Variants in TMEM114 observed in about 807,000 individuals in gnomAD.
The protein encoded by TMEM114 is claudin-26.
TMEM114 carries 6 observed loss-of-function variants against 6.2 expected under a neutral mutation model. That is an observed-to-expected ratio of 0.97 (90% CI 0.53 to 1.91). TMEM114 has a LOEUF of 1.91. Ranked by LOEUF, TMEM114 falls within the 40% of genes most tolerant of loss-of-function variation. The pLI, the probability that TMEM114 is intolerant of heterozygous loss-of-function variation, is 0.01. For synonymous variants in TMEM114, 104 were observed against 73.0 expected, an observed-to-expected ratio of 1.42 and a Z score of -2.16; for missense variants, 218 against 158.3, an observed-to-expected ratio of 1.38 and a Z score of -2.02.
At chr16:8,581,111 A>C (rs1902133976) in intron 2 of TMEM114, among the ~76,000 whole-genome samples, 1 of 152,148 alleles carries the variant, frequency 6.6e-6, no homozygotes, top group African/African-American at 2.4e-5. Flanking sequence ...GTGCATCTTA[A>C]AATTTTGTTA....
chr16:8,575,227 A>T (rs72780549), intron 2 of TMEM114, among the ~76,000 whole-genome samples: 14,043 of 152,244 alleles, frequency 0.092, 843 homozygotes, highest in South Asian at 0.14. Flanking sequence ...TCTGAGCCTC[A>T]TTGGCAAAAT....
intron 2 of TMEM114, among the ~76,000 whole-genome samples, chr16:8,559,596 A>G (rs374908621): frequency 7.9e-5 from 12 of 152,208 alleles, no homozygotes; most frequent in East Asian, 3.9e-4. Flanking sequence ...ATATTTTATC[A>G]GTCATCAAAG....
downstream of TMEM114, among the ~76,000 whole-genome samples, chr16:8,534,792 T>C (rs995986215): frequency 2.0e-5 from 3 of 152,224 alleles, no homozygotes; most frequent in African/African-American, 4.8e-5. Flanking sequence ...ATCATCGCTA[T>C]GGTTGTACTC....
chr16:8,532,831 G>A (rs1469646878), downstream of TMEM114, among the ~76,000 whole-genome samples: 1 of 152,134 alleles, frequency 6.6e-6, no homozygotes, highest in Non-Finnish European at 1.5e-5. Context: ...GGCTGAGGCA[G>A]GAGAATGGCA....
At chr16:8,529,278 A>T in the TMEM114 span, among the ~76,000 whole-genome samples, 1 of 152,178 alleles carries the variant, frequency 6.6e-6, no homozygotes, top group Non-Finnish European at 1.5e-5. Context: ...CTAAAAGTTG[A>T]GTGCAGCTAT....
chr16:8,576,419 C>G (rs140890864), intron 2 of TMEM114, among the ~76,000 whole-genome samples: 19 of 152,300 alleles, frequency 1.2e-4, no homozygotes, highest in Admixed American at 2.0e-4. Context: ...TCCTTTGCTG[C>G]ACTGAGTAAT....
At chr16:8,555,911 TA>T (rs760020797) in intron 2 of TMEM114, among the ~76,000 whole-genome samples, 4 of 152,182 alleles carry the variant, frequency 2.6e-5, no homozygotes, top group Admixed American at 6.5e-5. Context: ...GGCCTCACCC[TA>T]AGAAGTATCT....
the TMEM114 span, among the ~76,000 whole-genome samples, chr16:8,526,908 A>G: frequency 8.4e-3 from 1,283 of 152,292 alleles, 18 homozygotes; most frequent in African/African-American, 0.028. Flanking sequence ...AACTTTGAAC[A>G]TGAAAACATG....
At chr16:8,570,532 A>G (rs886221488) in intron 3 of TMEM114, among the ~76,000 whole-genome samples, 1 of 152,118 alleles carries the variant, frequency 6.6e-6, no homozygotes, top group African/African-American at 2.4e-5. Context: ...GGGTTTCACC[A>G]TATTGGCCAG....
chr16:8,565,567 C>G (rs1280976247), downstream of TMEM114, among the ~76,000 whole-genome samples: 1 of 152,126 alleles, frequency 6.6e-6, no homozygotes, highest in Admixed American at 6.5e-5. Flanking sequence ...ATCCCCTCCT[C>G]TAACCCCCGG....
downstream of TMEM114, among the ~76,000 whole-genome samples, chr16:8,566,196 G>T (rs1045597130): frequency 3.9e-5 from 6 of 151,990 alleles, no homozygotes; most frequent in East Asian, 1.9e-4. Flanking sequence ...CTGTAAAACC[G>T]CATTTCTACT....
downstream of TMEM114, among the ~76,000 whole-genome samples, chr16:8,533,877 A>G (rs557243193): frequency 1.2e-4 from 18 of 152,190 alleles, no homozygotes; most frequent in Non-Finnish European, 2.5e-4. Flanking sequence ...ATCCCGGGAA[A>G]GTGATACCTG....
At chr16:8,552,182 C>T (rs990880196) in intron 2 of TMEM114, among the ~76,000 whole-genome samples, 1 of 150,928 alleles carries the variant, frequency 6.6e-6, no homozygotes. Context: ...TGAGACCAGC[C>T]TGGGCAACAC....
At chr16:8,532,028 G>A in the TMEM114 span, 3 of 152,152 alleles carry the variant, frequency 2.0e-5, no homozygotes, top group East Asian at 1.9e-4. Flanking sequence ...AAGAAAGAAC[G>A]GAGAGGTGGA....
At chr16:8,562,232 G>C (rs943283594) in intron 2 of TMEM114, among the ~76,000 whole-genome samples, 2 of 141,324 alleles carry the variant, frequency 1.4e-5, no homozygotes, top group African/African-American at 5.1e-5. Flanking sequence ...GAGTGAGTGA[G>C]TGAGTGAATG....
chr16:8,544,707 C>A (rs997501263), intron 2 of TMEM114, among the ~76,000 whole-genome samples: 1 of 152,162 alleles, frequency 6.6e-6, no homozygotes, highest in African/African-American at 2.4e-5. Flanking sequence ...TGGCAGTAGT[C>A]TCAGTGCAAA....
downstream of TMEM114, among the ~76,000 whole-genome samples, chr16:8,535,592 T>C (rs185833569): frequency 2.4e-4 from 37 of 152,320 alleles, no homozygotes; most frequent in African/African-American, 8.7e-4. Context: ...GGGAAATAAA[T>C]GAAATATATC....
chr16:8,558,950 A>T (rs543985857), intron 2 of TMEM114, among the ~76,000 whole-genome samples: 2 of 150,426 alleles, frequency 1.3e-5, no homozygotes, highest in Admixed American at 1.3e-4. Context: ...TCACCATGTT[A>T]GCCAGGATGG....
intron 2 of TMEM114, among the ~76,000 whole-genome samples, chr16:8,579,454 T>A (rs896540960): frequency 2.0e-5 from 3 of 150,464 alleles, no homozygotes; most frequent in Admixed American, 6.6e-5. Flanking sequence ...TTTTAAAATT[T>A]TATATATATA....
Sources: gnomAD v4.1 joint callset for allele counts (sites outside exome capture counted in the v4.1 genomes callset) on GRCh38, gnomAD v4.1.1 for gene constraint, MANE v1.5 for transcripts, NCBI Gene and HGNC (gene_info 2026-07-23, HGNC 2026-07-21) for gene names.